COL5A1: variants seen among roughly 807,000 people sequenced by gnomAD.
The protein encoded by COL5A1 is collagen type V alpha 1 chain.
A neutral mutation model predicts 263.7 loss-of-function variants in COL5A1; 16 were observed. The observed-to-expected ratio is 0.06, with a 90% CI of 0.04 to 0.09. The LOEUF (loss-of-function observed/expected upper bound fraction) is 0.09, where lower values mean the gene tolerates loss of function less well. Among genes scored for constraint, COL5A1 ranks in the 10% least tolerant of loss-of-function variants. The pLI is 1.00. For synonymous variants in COL5A1, 1,012 were observed against 1,004.5 expected (o/e 1.01, Z -0.14); for missense variants, 2,036 against 2,540.5 (o/e 0.80, Z 4.27).
At chr9:134,697,813 A>T (rs923835847) in intron 2 of COL5A1, among the ~76,000 whole-genome samples, 3 of 152,164 alleles carry the variant, frequency 2.0e-5, no homozygotes, top group African/African-American at 7.2e-5. Context: ...ATGTGGAAGG[A>T]TGATGCAAAG....
chr9:134,830,769 A>G (rs1163966947), intron 64 of COL5A1, among the ~76,000 whole-genome samples: 1 of 152,238 alleles, frequency 6.6e-6, no homozygotes. Context: ...GCCTCCCAGG[A>G]AAGAACCACA....
intron 13 of COL5A1, among the ~76,000 whole-genome samples, chr9:134,751,857 G>A (rs555837094): frequency 2.0e-5 from 3 of 152,348 alleles, no homozygotes; most frequent in East Asian, 1.9e-4. Context: ...GGAAGGTGGT[G>A]TGTAGCAAAC....
At chr9:134,667,803 G>A (rs889852607) in intron 1 of COL5A1, among the ~76,000 whole-genome samples, 3 of 152,326 alleles carry the variant, frequency 2.0e-5, no homozygotes, top group South Asian at 4.1e-4. Flanking sequence ...GGGCTCTGTG[G>A]AGCAATAGGG....
chr9:134,772,813 T>C lies in COL5A1; in HGVS notation c.2310T>C (p.Pro770=). Residue 770 remains proline, a synonymous_variant, in exon 26 of 66, where the codon CCT becomes CCC. Transcript: ENST00000371817. ...AGGGACACCCTGGCAAAGAAGGCCC[T>C]CCAGGAGAGAAAGGAGGTCAGGTGG... ...GPPGHPGKEG[P]PGEKGGQGPP... The C allele has an allele frequency of 6.2e-7, 1 of 1,613,994 alleles. No homozygotes were observed. Among genetic ancestry groups the C allele is most frequent in the Non-Finnish European group, 8.5e-7 (1 of 1,180,012 alleles).
rs765920886 is a variant in COL5A1, at chr9:134,818,714, C to G, written c.4289C>G (p.Ala1430Gly). The change falls in exon 55 of 66, where the codon GCC becomes GGC. Residue 1430 changes from alanine to glycine, a missense_variant. By Grantham distance (60) the Ala-to-Gly change is moderately conservative. This residue lies in a region of COL5A1 where 1,078 missense variants were observed against 1,521.4 expected (regional missense o/e 0.71). Transcript: ENST00000371817. The surrounding 1 kb of genome is among the most constrained non-coding windows in gnomAD (Gnocchi z 6.0). ...GKTGPIGPQG[A>G]PGKPGPDGLR... ...ACTGGCCCCATCGGCCCCCAGGGGG[C>G]CCCTGGGAAGCCCGGACCGGATGGC... The G allele has an allele frequency of 2.5e-6, 4 of 1,610,796 alleles. No individual in the cohort carries two copies. Among genetic ancestry groups the G allele is most frequent in the Non-Finnish European group, 3.4e-6 (4 of 1,179,102 alleles).
intron 8 of COL5A1, 100 bp from the exon 9 acceptor site, chr9:134,731,971 G>A: frequency 7.4e-7 from 1 of 1,353,960 alleles, no homozygotes; most frequent in Non-Finnish European, 1.1e-6. Flanking sequence ...CTACGATAGT[G>A]CCCTCGGCCT....
Position 134,754,456 on chromosome 9 carries a change from G to T in COL5A1, c.1827+130G>T. The T allele has an allele frequency of 9.6e-7, 1 of 1,040,578 alleles. No individual in the cohort carries two copies. Among genetic ancestry groups the T allele is most frequent in the South Asian group, 1.3e-5 (1 of 77,612 alleles). The allele number at this position is 1,040,578 out of a possible 1,614,324, so 64.5% of individuals were successfully genotyped here. A position where few individuals can be genotyped will look rare whatever the true frequency, so the allele number is the denominator to read the frequency against. On this transcript the variant is annotated intron_variant, in intron 16 of 65. Transcript: ENST00000371817. This position sits in a 1 kb window ranked among gnomAD's most constrained non-coding sequence, Gnocchi z 4.3. ...CCAGGTGGCTCCCCTTCTTGTGATG[G>T]GTGCGTCCATCCCCAAGGCTGCCTC...
chr9:134,767,079 C>G, intron 23 of COL5A1, 26 bp downstream of exon 23: 1 of 1,610,674 alleles, frequency 6.2e-7, no homozygotes, highest in Non-Finnish European at 8.5e-7. Context: ...AGAGGCAGCT[C>G]GCAGGGATCC....
At chr9:134,723,500 T>G (rs1231517715) in intron 4 of COL5A1, among the ~76,000 whole-genome samples, 1 of 152,154 alleles carries the variant, frequency 6.6e-6, no homozygotes, top group Non-Finnish European at 1.5e-5. Flanking sequence ...GCTGCACACA[T>G]AGGCTCCAGG....
intron 46 of COL5A1, 88 bp downstream of exon 46, chr9:134,811,687 G>T: frequency 8.3e-7 from 1 of 1,207,102 alleles, no homozygotes; most frequent in South Asian, 1.3e-5. Context: ...GTCTTTTTAA[G>T]AATGGAAAAC....
At position 134,842,052 on chromosome 9, in the gene COL5A1, C is replaced by T. The variant is rs1308414963; in HGVS notation, c.5371-105C>T. 3 of 1,361,460 alleles carry T rather than the reference C, an allele frequency of 2.2e-6. No individual in the cohort carries two copies. Among genetic ancestry groups the T allele is most frequent in the Admixed American group, 1.8e-5 (1 of 56,704 alleles). 84.3% of individuals were successfully genotyped at this position (1,361,460 alleles called of 1,614,324 possible). A position where few individuals can be genotyped will look rare whatever the true frequency, so the allele number is the denominator to read the frequency against. ...GCGCAGCCCTGGGTAGGAGACAGGA[C>T]ACCAGCCTGGGTTTTGGAGCCAGAC... On this transcript the variant is annotated intron_variant, in intron 65 of 65. Coordinates refer to ENST00000371817, the MANE Select transcript of COL5A1 (RefSeq NM_000093.5). This position sits in a 1 kb window ranked among gnomAD's most constrained non-coding sequence, Gnocchi z 5.8.
intron 11 of COL5A1, among the ~76,000 whole-genome samples, chr9:134,748,709 T>C (rs1416038860): frequency 6.6e-6 from 1 of 152,244 alleles, no homozygotes; most frequent in Non-Finnish European, 1.5e-5. Flanking sequence ...TATACATTCT[T>C]TGACCCAGCA....
chr9:134,696,141 C>CCTGCCCCA lies in COL5A1; in HGVS notation c.278-3760_278-3753dup, dbSNP rs1833453920. Among the ~76,000 whole-genome samples, 1 of 152,092 alleles carries CCTGCCCCA rather than the reference C, an allele frequency of 6.6e-6. No homozygotes were observed. Among genetic ancestry groups the CCTGCCCCA allele is most frequent in the African/African-American group, 2.4e-5 (1 of 41,388 alleles). On this transcript the variant is annotated intron_variant, in intron 2 of 65. Transcript: ENST00000371817. The surrounding 1 kb of genome is among the most constrained non-coding windows in gnomAD (Gnocchi z 4.3). ...CTATCCTCTGACCTCTTTCTGCCAC[C>CCTGCCCCA]CTGCCCCACTGCCCCCTGCATTATT...
Position 134,759,186 on chromosome 9 carries a change from T to A in COL5A1, c.1935+890T>A, listed in dbSNP as rs370352523. ...AGCACACTGAGGACATACAGGCACATGAGTATGTGAGTGCACACCCCCCAT... is the reference window on the plus strand; with the variant it reads ...AGCACACTGAGGACATACAGGCACAAGAGTATGTGAGTGCACACCCCCCAT... On this transcript the variant is annotated intron_variant, in intron 18 of 65. Transcript: ENST00000371817. Among the ~76,000 whole-genome samples, 17 of 151,806 alleles carry A rather than the reference T, an allele frequency of 1.1e-4. No homozygotes were observed. The East Asian group carries it at 2.7e-3, about 24-fold the overall frequency.
chr9:134,754,603 C>G lies in COL5A1; in HGVS notation c.1827+277C>G, dbSNP rs534992158. Among the ~76,000 whole-genome samples the G allele has an allele frequency of 2.6e-5, 4 of 152,316 alleles. No individual in the cohort carries two copies. Among genetic ancestry groups the G allele is most frequent in the African/African-American group, 7.2e-5 (3 of 41,570 alleles). ...TTCTAATTCAAGAAACTTCCCAGGC[C>G]CTTTGGGAGCAAATGTTAAGAAGAC... On this transcript the variant is annotated intron_variant, in intron 16 of 65. Transcript: ENST00000371817. This position sits in a 1 kb window ranked among gnomAD's most constrained non-coding sequence, Gnocchi z 4.3.
chr9:134,747,229 G>A (rs202156817), intron 11 of COL5A1, among the ~76,000 whole-genome samples: 1 of 152,158 alleles, frequency 6.6e-6, no homozygotes, highest in Non-Finnish European at 1.5e-5. Flanking sequence ...GAATTGTTCC[G>A]GGTGTCGGTG....
chr9:134,793,554 G>T (rs1247459406), intron 32 of COL5A1, among the ~76,000 whole-genome samples: 1 of 152,206 alleles, frequency 6.6e-6, no homozygotes, highest in Non-Finnish European at 1.5e-5. Flanking sequence ...TGTGCCTCGG[G>T]CACAGTCAGT....
At chr9:134,785,952 G>A (rs745846824) in intron 30 of COL5A1, 43 bp from the exon 31 acceptor site, 4 of 1,562,622 alleles carry the variant, frequency 2.6e-6, no homozygotes, top group African/African-American at 2.7e-5. Flanking sequence ...AACGGATGGA[G>A]CAATACCGTG....
At chr9:134,643,212 G>C (rs1831360995) in intron 1 of COL5A1, among the ~76,000 whole-genome samples, 2 of 152,056 alleles carry the variant, frequency 1.3e-5, no homozygotes, top group Non-Finnish European at 2.9e-5. Flanking sequence ...ATCGCTCTTG[G>C]TAGTTAGTGG....
Sources: allele counts gnomAD v4.1 joint callset (sites outside exome capture counted in the v4.1 genomes callset), GRCh38; gene constraint gnomAD v4.1.1; regional missense constraint gnomAD v4.1.1; non-coding constraint Gnocchi (gnomAD v3.1); transcripts MANE v1.5; gene names NCBI Gene and HGNC (gene_info 2026-07-23, HGNC 2026-07-21).